PRKN: variants seen among roughly 807,000 people sequenced by gnomAD.
The protein encoded by PRKN is E3 ubiquitin-protein ligase parkin.
PRKN carries 56 observed loss-of-function variants against 59.5 expected under a neutral mutation model. That is an observed-to-expected ratio of 0.94 (90% CI 0.76 to 1.18). The LOEUF is 1.18. Among genes scored for constraint, PRKN ranks in the 50% most tolerant of loss-of-function variants. The pLI, the probability that PRKN is intolerant of heterozygous loss-of-function variation, is 0.00. For missense variants in PRKN, 657 were observed against 596.4 expected (o/e 1.10, Z -1.06); for synonymous variants, 250 against 222.1 (o/e 1.13, Z -1.12).
chr6:161,409,369 C>T lies in PRKN; in HGVS notation c.1084-22492G>A, dbSNP rs898189820. Among the ~76,000 whole-genome samples the T allele has an allele frequency of 3.3e-5, 5 of 152,184 alleles. No homozygotes were observed. The highest frequency in any genetic ancestry group is 3.9e-4 in the East Asian group (2 of 5,192). On this transcript the variant is annotated intron_variant, in intron 9 of 11. Transcript: ENST00000366898. The surrounding 1 kb of genome is among the most constrained non-coding windows in gnomAD (Gnocchi z 4.6). The stretch of plus-strand genomic sequence containing the variant: ...TGTTCTCTAAAGCGCCAGGTTATAA[C>T]GGCCATATGTCTCCCTGAGTAGGAT...
At chr6:162,266,298 T>TTG (rs60841593) in intron 2 of PRKN, among the ~76,000 whole-genome samples, 8,002 of 146,102 alleles carry the variant, frequency 0.055, 279 homozygotes, top group Admixed American at 0.12. Context: ...TACATATATA[T>TTG]TGTGTGTGTG....
chr6:162,262,834 G>A, intron 2 of PRKN, 69 bp from the exon 3 acceptor site: 1 of 1,574,282 alleles, frequency 6.4e-7, no homozygotes, highest in Non-Finnish European at 8.6e-7. Flanking sequence ...GCGAGATAGA[G>A]TTTAACTTGC....
intron 2 of PRKN, among the ~76,000 whole-genome samples, chr6:162,306,610 C>T (rs1782239346): frequency 6.6e-6 from 1 of 152,180 alleles, no homozygotes; most frequent in Non-Finnish European, 1.5e-5. Context: ...TCAGTATATG[C>T]TCAGCTGCAC....
rs532292801 is a variant in PRKN, at chr6:161,925,008, C to G, written c.734+48294G>C. Among the ~76,000 whole-genome samples, 4 of 152,186 alleles carry G rather than the reference C, an allele frequency of 2.6e-5. No homozygotes were observed. In the East Asian group the frequency reaches 7.7e-4, roughly 29 times the overall value. ...TCACTGTTGAGGTCAAATGTTAAGA[C>G]TTGCTGGGAAAAAAATATTGTTGTT... On this transcript the variant is annotated intron_variant, in intron 6 of 11. Coordinates refer to ENST00000366898, the MANE Select transcript of PRKN (RefSeq NM_004562.3).
rs1786774808 is a variant in PRKN, at chr6:161,396,687, A to G, written c.1084-9810T>C. 6.6e-6 allele frequency among the ~76,000 whole-genome samples: 1 copy of G among 152,172 alleles called. No homozygotes were observed. The highest frequency in any genetic ancestry group is 1.5e-5 in the Non-Finnish European group (1 of 68,038). On this transcript the variant is annotated intron_variant, in intron 9 of 11. Coordinates refer to ENST00000366898, the MANE Select transcript of PRKN (RefSeq NM_004562.3). This position sits in a 1 kb window ranked among gnomAD's most constrained non-coding sequence, Gnocchi z 5.4. ...TAGACTCTGTAGAAATGATTACGCT[A>G]CGCCAGTAAAAATGTGAAATCCAAG... is the stretch of plus-strand genomic sequence containing the variant.
intron 1 of PRKN, among the ~76,000 whole-genome samples, chr6:162,528,496 G>A (rs569259130): frequency 1.4e-5 from 2 of 148,064 alleles, no homozygotes; most frequent in Non-Finnish European, 1.5e-5. Flanking sequence ...TTACTTAGAA[G>A]ATTCTATTCA....
intron 5 of PRKN, among the ~76,000 whole-genome samples, chr6:162,010,811 TAATGTATAATATATAC>T (rs1782575314): frequency 1.1e-4 from 1 of 9,498 alleles, no homozygotes; most frequent in African/African-American, 8.8e-4. Context: ...ATATATTATA[TAATGTATAATATATAC>T]AATATATTAT....
intron 4 of PRKN, among the ~76,000 whole-genome samples, chr6:162,172,724 A>C (rs112324335): frequency 0.011 from 1,604 of 152,258 alleles, 26 homozygotes; most frequent in African/African-American, 0.037. Context: ...TGTACTTTAC[A>C]AAAGTGACAG....
At position 161,951,115 on chromosome 6, in the gene PRKN, G is replaced by A. The variant is rs575678296; in HGVS notation, c.734+22187C>T. Among the ~76,000 whole-genome samples the A allele has an allele frequency of 5.3e-5, 8 of 151,738 alleles. No individual in the cohort carries two copies. The South Asian group carries it at 1.7e-3, about 32-fold the overall frequency. ...AATATTTGTTCATAAGAATTCATGA[G>A]TAGGGTTTTTACGTTACTATTACTT... On this transcript the variant is annotated intron_variant, in intron 6 of 11. Transcript: ENST00000366898.
intron 6 of PRKN, among the ~76,000 whole-genome samples, chr6:161,833,765 T>C (rs1792617677): frequency 6.6e-6 from 1 of 152,158 alleles, no homozygotes; most frequent in African/African-American, 2.4e-5. Flanking sequence ...CCCACGACAG[T>C]GGACACAGAG....
At chr6:161,872,277 TCGAAAAGG>T (rs1306333390) in intron 6 of PRKN, among the ~76,000 whole-genome samples, 1 of 152,024 alleles carries the variant, frequency 6.6e-6, no homozygotes, top group Non-Finnish European at 1.5e-5. Flanking sequence ...CTGCACAGAT[TCGAAAAGG>T]TGAGAAGATG....
At chr6:162,423,406 C>T (rs1046516407) in intron 2 of PRKN, among the ~76,000 whole-genome samples, 10 of 152,294 alleles carry the variant, frequency 6.6e-5, no homozygotes, top group African/African-American at 2.4e-4. Context: ...TTCCCTCCTT[C>T]CTTCCCTTTT....
chr6:162,252,281 T>C (rs1221097124), intron 3 of PRKN, among the ~76,000 whole-genome samples: 2 of 152,190 alleles, frequency 1.3e-5, no homozygotes, highest in Non-Finnish European at 2.9e-5. Context: ...AGGTGCAACA[T>C]AAACCTCCCA....
intron 1 of PRKN, among the ~76,000 whole-genome samples, chr6:162,507,026 G>C (rs569604536): frequency 6.6e-6 from 1 of 152,284 alleles, no homozygotes; most frequent in East Asian, 1.9e-4. Flanking sequence ...GGGTAAAAAA[G>C]ACCTGGGTTC....
Position 161,688,027 on chromosome 6 carries a change from C to T in PRKN, c.871+97745G>A, listed in dbSNP as rs77082259. Reference sequence around the variant, plus strand: ...CACAGAATGAATTTTATTTCCTTCCCTCGTCAGTCTTTCAACCTCCCCCGC... The same window carrying T: ...CACAGAATGAATTTTATTTCCTTCCTTCGTCAGTCTTTCAACCTCCCCCGC... On this transcript the variant is annotated intron_variant, in intron 7 of 11. Transcript: ENST00000366898. 6.6e-5 allele frequency among the ~76,000 whole-genome samples: 10 copies of T among 151,994 alleles called. No individual in the cohort carries two copies. In the East Asian group the frequency reaches 1.7e-3, roughly 27 times the overall value.
intron 6 of PRKN, among the ~76,000 whole-genome samples, chr6:161,902,525 T>A (rs77480504): frequency 5.5e-4 from 40 of 72,334 alleles, no homozygotes; most frequent in African/African-American, 1.9e-3. Flanking sequence ...TAGACATCCG[T>A]CTATCTATCT....
intron 2 of PRKN, among the ~76,000 whole-genome samples, chr6:162,278,497 G>A (rs1780734416): frequency 6.6e-6 from 1 of 152,124 alleles, no homozygotes. Context: ...TACCGCTCTG[G>A]TGGGGGATGT....
intron 4 of PRKN, among the ~76,000 whole-genome samples, chr6:162,200,671 A>G (rs1001620929): frequency 6.6e-6 from 1 of 152,092 alleles, no homozygotes; most frequent in Non-Finnish European, 1.5e-5. Context: ...CTCTTTTTTT[A>G]CTTTTTAAAA....
At chr6:161,655,959 G>T (rs2207398) in intron 7 of PRKN, among the ~76,000 whole-genome samples, 9,262 of 151,720 alleles carry the variant, frequency 0.061, 466 homozygotes, top group South Asian at 0.13. Context: ...TTTGATTCAC[G>T]TGTATGGTAT....
Sources: gnomAD v4.1 joint callset for allele counts (sites outside exome capture counted in the v4.1 genomes callset) on GRCh38, gnomAD v4.1.1 for gene constraint, Gnocchi (gnomAD v3.1) non-coding constraint, MANE v1.5 for transcripts, NCBI Gene and HGNC (gene_info 2026-07-23, HGNC 2026-07-21) for gene names.